The following GADD45G variants were observed in gnomAD, a reference collection of about 807,000 sequenced individuals.
GADD45G encodes the protein growth arrest and DNA damage-inducible protein GADD45 gamma.
Under a neutral mutation model 17.3 loss-of-function variants are expected in GADD45G, and 7 were observed. The observed-to-expected ratio is 0.41, with a 90% CI of 0.23 to 0.76. The LOEUF (loss-of-function observed/expected upper bound fraction) is 0.76, where lower values mean the gene tolerates loss of function less well. Among genes scored for constraint, GADD45G ranks in the 30% least tolerant of loss-of-function variants. The probability of loss-of-function intolerance (pLI) is 0.34; values close to 1 mark genes in which losing one functional copy is unlikely to be tolerated. For synonymous variants in GADD45G, 93 were observed against 94.9 expected, an observed-to-expected ratio of 0.98 and a Z score of 0.12; for missense variants, 149 against 219.2, an observed-to-expected ratio of 0.68 and a Z score of 2.02.
Position 89,606,083 on chromosome 9 carries a change from C to A in GADD45G, c.*4C>A. On this transcript the variant is annotated 3_prime_UTR_variant, in exon 4 of 4. Coordinates refer to ENST00000252506, the MANE Select transcript of GADD45G (RefSeq NM_006705.4). ...CAGCATCACCCTCCCCGAGTGACAG[C>A]CCGGCGGGGACCTTGGTCTGATCGA... 6.3e-7 allele frequency: 1 copy of A among 1,597,120 alleles called. No individual in the cohort carries two copies.
rs1166361852 is a variant in GADD45G, at chr9:89,605,120, C to G, written c.-2C>G. 6.2e-7 allele frequency: 1 copy of G among 1,613,516 alleles called. No individual in the cohort carries two copies. Among genetic ancestry groups the G allele is most frequent in the Non-Finnish European group, 8.5e-7 (1 of 1,179,454 alleles). Reference sequence around the variant, plus strand: ...GATAACTAGCTGCTGGTTGATCGCACTATGACTCTGGAAGAAGTCCGCGGC... The same window carrying G: ...GATAACTAGCTGCTGGTTGATCGCAGTATGACTCTGGAAGAAGTCCGCGGC... On this transcript the variant is annotated 5_prime_UTR_variant, in exon 1 of 4. Transcript: ENST00000252506.
In GADD45G at chr9:89,605,646, GTC is replaced by G. The variant is rs776163941; in HGVS notation, c.156-20_156-19del. 89,053 of 1,611,562 alleles carry G rather than the reference GTC, an allele frequency of 0.055. 2,956 individuals are homozygous for G. The highest frequency in any genetic ancestry group is 0.066 in the Non-Finnish European group (77,806 of 1,178,750). ...ACTCGGCTAGCCGGTTCTGACCTAG[GTC>G]CCCGCCTTGCCCTCGCAGGGACCCC... On this transcript the variant is annotated intron_variant, in intron 2 of 3. Transcript: ENST00000252506.
At position 89,605,199 on chromosome 9, in the gene GADD45G, C is replaced by A. The variant is rs778804463; in HGVS notation, c.53+25C>A. On this transcript the variant is annotated intron_variant, in intron 1 of 3. Transcript: ENST00000252506. ...GGTGGGTTTCAGGGCGCTGAGAAAG[C>A]CGCTGGTCGGTCGGCGACCGTCAGG... The A allele has an allele frequency of 8.7e-6, 14 of 1,607,614 alleles. No homozygotes were observed. The South Asian group carries it at 1.4e-4, about 16-fold the overall frequency.
Position 89,606,177 on chromosome 9 carries a change from T to C in GADD45G, c.*98T>C. On this transcript the variant is annotated 3_prime_UTR_variant, in exon 4 of 4. Transcript: ENST00000252506. ...GAGGGGCCCTCCGAGGGTGCCCGAGTGCGGCGTGGAGACTGGCAGGCGGGG... is the reference window on the plus strand; with the variant it reads ...GAGGGGCCCTCCGAGGGTGCCCGAGCGCGGCGTGGAGACTGGCAGGCGGGG... 1.1e-6 allele frequency: 1 copy of C among 896,920 alleles called. No individual in the cohort carries two copies. The highest frequency in any genetic ancestry group is 1.5e-5 in the South Asian group (1 of 66,780). 55.6% of individuals were successfully genotyped at this position (896,920 alleles called of 1,614,324 possible). A position where few individuals can be genotyped will look rare whatever the true frequency, so the allele number is the denominator to read the frequency against.
At chr9:89,605,395 C>G in intron 1 of GADD45G, 37 bp from the exon 2 acceptor site, 1 of 1,477,534 alleles carries the variant, frequency 6.8e-7, no homozygotes, top group Non-Finnish European at 9.2e-7. Context: ...CCGCGCCCTC[C>G]GGCCGGCTCC....
In GADD45G at chr9:89,606,273, C is replaced by T; in HGVS notation, c.*194C>T. ...CGGTGGCGGCAGGGCCAGGCTGGTCCGAGCTGAGGACTCTGCAAGTGTCTG... is the reference window on the plus strand; with the variant it reads ...CGGTGGCGGCAGGGCCAGGCTGGTCTGAGCTGAGGACTCTGCAAGTGTCTG... On this transcript the variant is annotated 3_prime_UTR_variant, in exon 4 of 4. Transcript: ENST00000252506. 1 of 605,934 alleles carries T rather than the reference C, an allele frequency of 1.7e-6. No homozygotes were observed. The highest frequency in any genetic ancestry group is 2.9e-6 in the Non-Finnish European group (1 of 339,676). The allele number at this position is 605,934 out of a possible 1,614,324, so 37.5% of individuals were successfully genotyped here.
chr9:89,605,619 G>T (rs761016687), intron 2 of GADD45G, 48 bp from the exon 3 acceptor site: 1 of 1,577,514 alleles, frequency 6.3e-7, no homozygotes, highest in South Asian at 1.1e-5. Context: ...GGCGGCGGGA[G>T]AACTCGGCTA....
Position 89,605,548 on chromosome 9 carries a change from G to C in GADD45G, c.155+15G>C. On this transcript the variant is annotated intron_variant, in intron 2 of 3. Transcript: ENST00000252506. ...GTCTTGAACGTGTAAGTGTAGACGC[G>C]GCCCAGGCTGGGAGACAGGGGCGGG... 2 of 1,558,570 alleles carry C rather than the reference G, an allele frequency of 1.3e-6. No homozygotes were observed. The highest frequency in any genetic ancestry group is 1.2e-5 in the South Asian group (1 of 86,446).
chr9:89,605,631 C>T, intron 2 of GADD45G, 36 bp from the exon 3 acceptor site: 1 of 1,597,944 alleles, frequency 6.3e-7, no homozygotes, highest in South Asian at 1.1e-5. Context: ...ACTCGGCTAG[C>T]CGGTTCTGAC....
chr9:89,605,973 C>G lies in GADD45G; in HGVS notation c.374C>G (p.Pro125Arg). ...GACCCTGCTCTCTCTCCGCAGAACC[C>G]CAACGAGGACGCCTGGAAGGATCCC... is the stretch of plus-strand genomic sequence containing the variant. The part of the protein sequence containing the change: ...GDLHCILISN[P>R]NEDAWKDPAL... Residue 125 changes from proline to arginine, a missense_variant, in exon 4 of 4, where the codon CCC becomes CGC. Physicochemically the swap from Pro to Arg is moderately radical, Grantham distance 103. This residue lies in a region of GADD45G where 73 missense variants were observed against 84.3 expected (regional missense o/e 0.87). Coordinates refer to ENST00000252506, the MANE Select transcript of GADD45G (RefSeq NM_006705.4). The G allele has an allele frequency of 2.5e-6, 4 of 1,612,178 alleles. No homozygotes were observed. Among genetic ancestry groups the G allele is most frequent in the Non-Finnish European group, 3.4e-6 (4 of 1,179,082 alleles).
rs760626272 is a variant in GADD45G at position 89,605,089 on chromosome 9, C to G, written c.-33C>G. 6.3e-7 allele frequency: 1 copy of G among 1,598,918 alleles called. No individual in the cohort carries two copies. Among genetic ancestry groups the G allele is most frequent in the South Asian group, 1.1e-5 (1 of 90,346 alleles). ...GCCCGCGTCCCCTCCGCGCTCTCCGCTTGTGGATAACTAGCTGCTGGTTGA... is the reference window on the plus strand; with the variant it reads ...GCCCGCGTCCCCTCCGCGCTCTCCGGTTGTGGATAACTAGCTGCTGGTTGA... On this transcript the variant is annotated 5_prime_UTR_variant, in exon 1 of 4. Coordinates refer to ENST00000252506, the MANE Select transcript of GADD45G (RefSeq NM_006705.4).
Position 89,606,070 on chromosome 9 carries a change from C to T in GADD45G, c.471C>T (p.Leu157=), listed in dbSNP as rs758400370. The part of the protein sequence containing the change: ...SVNDWVPSIT[L]PE ...ACGACTGGGTGCCCAGCATCACCCTCCCCGAGTGACAGCCCGGCGGGGACC... is the reference window on the plus strand; with the variant it reads ...ACGACTGGGTGCCCAGCATCACCCTTCCCGAGTGACAGCCCGGCGGGGACC... The change falls in exon 4 of 4, where the codon CTC becomes CTT. Residue 157 remains leucine (L), a synonymous_variant. Transcript: ENST00000252506. 1 of 1,608,058 alleles carries T rather than the reference C, an allele frequency of 6.2e-7. No homozygotes were observed. The highest frequency in any genetic ancestry group is 8.5e-7 in the Non-Finnish European group (1 of 1,176,142).
chr9:89,606,026 G>C lies in GADD45G; in HGVS notation c.427G>C (p.Glu143Gln). The C allele has an allele frequency of 1.2e-6, 2 of 1,613,750 alleles. No individual in the cohort carries two copies. Among genetic ancestry groups the C allele is most frequent in the South Asian group, 1.1e-5 (1 of 91,008 alleles). Residue 143 changes from glutamate to glutamine, a missense_variant, in exon 4 of 4, where the codon GAG becomes CAG. This residue lies in a region of GADD45G where 73 missense variants were observed against 84.3 expected (regional missense o/e 0.87). Transcript: ENST00000252506. Reference sequence around the variant, plus strand: ...CTTGGAGAAGCTCAGCCTGTTTTGCGAGGAGAGCCGCAGCGTTAACGACTG... The same window carrying C: ...CTTGGAGAAGCTCAGCCTGTTTTGCCAGGAGAGCCGCAGCGTTAACGACTG... ...PALEKLSLFCEESRSVNDWVP... is the reference protein window; with the variant it reads ...PALEKLSLFCQESRSVNDWVP...
In GADD45G at chr9:89,606,219, G is replaced by C; in HGVS notation, c.*140G>C. On this transcript the variant is annotated 3_prime_UTR_variant, in exon 4 of 4. Coordinates refer to ENST00000252506, the MANE Select transcript of GADD45G (RefSeq NM_006705.4). ...CAGGCGGGGGGGGCGCCTGGAGAGC[G>C]AGGAGGCGCGGCCTCCCGAGGAGGG... The C allele has an allele frequency of 1.5e-6, 1 of 679,422 alleles. No individual in the cohort carries two copies. The highest frequency in any genetic ancestry group is 2.6e-6 in the Non-Finnish European group (1 of 387,772). 42.1% of individuals were successfully genotyped at this position (679,422 alleles called of 1,614,324 possible).
Position 89,605,490 on chromosome 9 carries a change from T to C in GADD45G, c.112T>C (p.Cys38Arg), listed in dbSNP as rs1479516403. ...ELLLSAQRQG[C>R]LTAGVYESAK... ...GCTGCTGTCGGCGCAGCGTCAGGGC[T>C]GCCTCACTGCCGGCGTCTACGAGTC... Residue 38 changes from cysteine (C) to arginine (R), a missense_variant, in exon 2 of 4, where the codon TGC becomes CGC. Cys to Arg is a radical substitution (Grantham distance 180). Coordinates refer to ENST00000252506, the MANE Select transcript of GADD45G (RefSeq NM_006705.4). 6.4e-7 allele frequency: 1 copy of C among 1,562,782 alleles called. No individual in the cohort carries two copies. The highest frequency in any genetic ancestry group is 1.7e-4 in the Middle Eastern group (1 of 5,842).
In GADD45G at chr9:89,605,548, G is replaced by A. The variant is rs769776007; in HGVS notation, c.155+15G>A. 6.4e-7 allele frequency: 1 copy of A among 1,558,570 alleles called. No homozygotes were observed. ...GTCTTGAACGTGTAAGTGTAGACGC[G>A]GCCCAGGCTGGGAGACAGGGGCGGG... On this transcript the variant is annotated intron_variant, in intron 2 of 3. Transcript: ENST00000252506.
Position 89,606,106 on chromosome 9 carries a change from C to T in GADD45G, c.*27C>T, listed in dbSNP as rs777483869. 19 of 1,542,368 alleles carry T rather than the reference C, an allele frequency of 1.2e-5. No homozygotes were observed. The highest frequency in any genetic ancestry group is 1.5e-5 in the Non-Finnish European group (17 of 1,124,622). ...AGCCCGGCGGGGACCTTGGTCTGATCGACGTGGTGACGCCCCGGGGCGCCT... is the reference window on the plus strand; with the variant it reads ...AGCCCGGCGGGGACCTTGGTCTGATTGACGTGGTGACGCCCCGGGGCGCCT... On this transcript the variant is annotated 3_prime_UTR_variant, in exon 4 of 4. Transcript: ENST00000252506.
rs1342710187 is a variant in GADD45G at position 89,606,192 on chromosome 9, G to C, written c.*113G>C. On this transcript the variant is annotated 3_prime_UTR_variant, in exon 4 of 4. Transcript: ENST00000252506. Reference sequence around the variant, plus strand: ...GGTGCCCGAGTGCGGCGTGGAGACTGGCAGGCGGGGGGGGCGCCTGGAGAG... The same window carrying C: ...GGTGCCCGAGTGCGGCGTGGAGACTCGCAGGCGGGGGGGGCGCCTGGAGAG... 1.3e-6 allele frequency: 1 copy of C among 784,128 alleles called. No homozygotes were observed. Among genetic ancestry groups the C allele is most frequent in the Non-Finnish European group, 2.1e-6 (1 of 472,198 alleles). 48.6% of individuals were successfully genotyped at this position (784,128 alleles called of 1,614,324 possible). A position where few individuals can be genotyped will look rare whatever the true frequency, so the allele number is the denominator to read the frequency against.
Position 89,606,040 on chromosome 9 carries a change from C to A in GADD45G, c.441C>A (p.Ser147Arg). The change falls in exon 4 of 4, where the codon AGC becomes AGA. Residue 147 changes from serine to arginine, a missense_variant. By Grantham distance (110) the Ser-to-Arg change is moderately radical. Transcript: ENST00000252506. ...KLSLFCEESR[S>R]VNDWVPSITL... is the part of the protein sequence containing the mutation. The stretch of plus-strand genomic sequence containing the variant: ...GCCTGTTTTGCGAGGAGAGCCGCAG[C>A]GTTAACGACTGGGTGCCCAGCATCA... 1.9e-6 allele frequency: 3 copies of A among 1,613,346 alleles called. No homozygotes were observed. The highest frequency in any genetic ancestry group is 2.5e-6 in the Non-Finnish European group (3 of 1,179,614).
Sources: gnomAD v4.1 joint callset for allele counts on GRCh38, gnomAD v4.1.1 for gene constraint, gnomAD v4.1.1 regional missense constraint, MANE v1.5 for transcripts, NCBI Gene and HGNC (gene_info 2026-07-23, HGNC 2026-07-21) for gene names.